Variants in SSX5 observed in about 807,000 individuals in gnomAD.
The protein encoded by SSX5 is protein SSX5.
SSX5 carries 14 observed loss-of-function variants against 14.9 expected under a neutral mutation model. The ratio of observed to expected loss-of-function variants is 0.94; its 90% CI spans 0.62 to 1.47. The LOEUF (loss-of-function observed/expected upper bound fraction) is 1.47, where lower values mean the gene tolerates loss of function less well. SSX5 is among the 40% of genes most tolerant of loss of function. The probability of loss-of-function intolerance (pLI) is 0.00; values close to 1 mark genes in which losing one functional copy is unlikely to be tolerated. For missense variants in SSX5, 204 were observed against 154.6 expected (o/e 1.32, Z -1.70); for synonymous variants, 70 against 55.4 (o/e 1.26, Z -1.17).
At chrX:48,196,440 C>A (rs782038760) in intron 1 of SSX5, among the ~76,000 whole-genome samples, 65 of 103,090 alleles carry the variant, frequency 6.3e-4, no homozygotes, top group Non-Finnish European at 1.0e-3. Flanking sequence ...GGTGCACTGG[C>A]GTGATCATGG....
At chrX:48,187,230 T>G (rs1420224597) in intron 7 of SSX5, among the ~76,000 whole-genome samples, 1 of 110,416 alleles carries the variant, frequency 9.1e-6, no homozygotes, top group Non-Finnish European at 1.9e-5. Context: ...CGGAGGCAGA[T>G]GGATCACGAG....
At chrX:48,191,490 G>C (rs1399599881) in intron 5 of SSX5, among the ~76,000 whole-genome samples, 1 of 111,106 alleles carries the variant, frequency 9.0e-6, no homozygotes, top group African/African-American at 3.3e-5. Context: ...GGATGCCCCA[G>C]GTGCAGACAA....
In SSX5 at chrX:48,186,545, A is replaced by G. The variant is rs1418798161; in HGVS notation, c.*316T>C. Reference sequence around the variant, plus strand: ...AGGAGGGTAGTGTTGTTCTATGCAGAGAATACCTGACGATACTTGTTTTCT... The same window carrying G: ...AGGAGGGTAGTGTTGTTCTATGCAGGGAATACCTGACGATACTTGTTTTCT... On this transcript the variant is annotated 3_prime_UTR_variant, in exon 8 of 8. Coordinates refer to ENST00000347757, the MANE Select transcript of SSX5 (RefSeq NM_175723.2). 9.4e-6 allele frequency: 4 copies of G among 423,985 alleles called. No individual in the cohort carries two copies. The highest frequency in any genetic ancestry group is 1.2e-5 in the Non-Finnish European group (3 of 241,757). 34.9% of individuals were successfully genotyped at this position (423,985 alleles called of 1,213,427 possible).
At position 48,188,712 on chromosome X, in the gene SSX5, G is replaced by C. The variant is rs782258759; in HGVS notation, c.467-981C>G. 3.0e-4 allele frequency among the ~76,000 whole-genome samples: 34 copies of C among 112,293 alleles called. 1 individual carries two copies. The South Asian group carries it at 3.7e-3, about 12-fold the overall frequency. ...CACTTTAAATCAGAAGCTAGAAATG[G>C]CTAAGCTTAGTGAGGAAGCATGCTG... is the stretch of plus-strand genomic sequence containing the variant. On this transcript the variant is annotated intron_variant, in intron 6 of 7. Coordinates refer to ENST00000347757, the MANE Select transcript of SSX5 (RefSeq NM_175723.2).
chrX:48,186,274 G>A lies in SSX5; in HGVS notation c.*587C>T, dbSNP rs1556923701. 1 of 164,013 alleles carries A rather than the reference G, an allele frequency of 6.1e-6. No individual in the cohort carries two copies. Among genetic ancestry groups the A allele is most frequent in the East Asian group, 1.2e-4 (1 of 8,594 alleles). 13.5% of individuals were successfully genotyped at this position (164,013 alleles called of 1,213,427 possible). ...TGACTGATAGAGGGGAATCGGATGAGGGGAGTACATGCTGAACAGGAAACA... is the reference window on the plus strand; with the variant it reads ...TGACTGATAGAGGGGAATCGGATGAAGGGAGTACATGCTGAACAGGAAACA... On this transcript the variant is annotated 3_prime_UTR_variant, in exon 8 of 8. Transcript: ENST00000347757.
rs782087783 is a variant in SSX5, at chrX:48,194,181, G to C, written c.228C>G (p.Val76=). The change falls in exon 4 of 8, where the codon GTC becomes GTG. Residue 76 remains valine, a synonymous_variant. Transcript: ENST00000347757. The part of the protein sequence containing the change: ...TLPPFMRNKR[V]ADFQGNDFDN... ...CAAAATCATTCCCCTGGAAGTCTGC[G>C]ACCCGTTTATTACGCATGAAAGGTG... The C allele has an allele frequency of 8.3e-7, 1 of 1,210,510 alleles. No individual in the cohort carries two copies. The highest frequency in any genetic ancestry group is 2.2e-5 in the Admixed American group (1 of 45,844).
rs782187065 is a variant in SSX5, at chrX:48,190,130, T to C, written c.466+3A>G. The C allele has an allele frequency of 1.1e-5, 13 of 1,208,543 alleles. No homozygotes were observed. The East Asian group carries it at 3.9e-4, about 36-fold the overall frequency. On this transcript the variant is annotated splice_donor_region_variant and intron_variant, in intron 6 of 7. Coordinates refer to ENST00000347757, the MANE Select transcript of SSX5 (RefSeq NM_175723.2). ...TGGTTGTTCCCAAATTCTTTTCTCT[T>C]ACCAGATGTCTTGTTAACCTTCTCA...
intron 5 of SSX5, 148 bp downstream of exon 5, chrX:48,192,084 G>T (rs150906380): frequency 0.022 from 20,191 of 934,065 alleles, 237 homozygotes; most frequent in Middle Eastern, 0.045. Flanking sequence ...GTTAGTATTA[G>T]CAAGCCGTCG....
rs782552305 is a variant in SSX5 at position 48,194,214 on chromosome X, G to A, written c.195C>T (p.Ala65=). ...YEAMTKLGFK[A]TLPPFMRNKR... ...TATTACGCATGAAAGGTGGGAGGGT[G>A]GCCTTGAAACCTAGAAAGAAGCAAA... Residue 65 remains alanine, a synonymous_variant, in exon 4 of 8, where the codon GCC becomes GCT. Coordinates refer to ENST00000347757, the MANE Select transcript of SSX5 (RefSeq NM_175723.2). The A allele has an allele frequency of 1.7e-6, 2 of 1,210,353 alleles. No homozygotes were observed. Among genetic ancestry groups the A allele is most frequent in the Admixed American group, 2.2e-5 (1 of 45,886 alleles).
chrX:48,190,442 A>G (rs781823211), intron 5 of SSX5, among the ~76,000 whole-genome samples, 174 bp from the exon 6 acceptor site: 1 of 111,880 alleles, frequency 8.9e-6, no homozygotes, highest in Non-Finnish European at 1.9e-5. Context: ...TGGGAAAGGA[A>G]TGGCCTAACT....
intron 7 of SSX5, 56 bp downstream of exon 7, chrX:48,187,571 C>T: frequency 8.7e-7 from 1 of 1,149,140 alleles, no homozygotes; most frequent in Non-Finnish European, 1.2e-6. Flanking sequence ...ATACCAGTAC[C>T]ATAACAGAAT....
chrX:48,192,602 A>T (rs1556925007), intron 4 of SSX5, among the ~76,000 whole-genome samples: 6 of 112,548 alleles, frequency 5.3e-5, no homozygotes, highest in Non-Finnish European at 3.7e-5. Context: ...TCCACTCAAG[A>T]TGTACAACAA....
At chrX:48,191,545 G>C (rs782337830) in intron 5 of SSX5, among the ~76,000 whole-genome samples, 1 of 111,468 alleles carries the variant, frequency 9.0e-6, no homozygotes, top group Non-Finnish European at 1.9e-5. Flanking sequence ...CAGTCAAAGC[G>C]ATTCCTAAGC....
intron 2 of SSX5, 39 bp downstream of exon 2, chrX:48,195,251 C>T (rs1194870402): frequency 3.3e-6 from 4 of 1,204,537 alleles, no homozygotes; most frequent in Non-Finnish European, 4.5e-6. Flanking sequence ...CCCACACTGT[C>T]CCCTGGGCCA....
rs1297365517 is a variant in SSX5, at chrX:48,194,142, G to A, written c.267C>T (p.Asn89=). The change falls in exon 4 of 8, where the codon AAC becomes AAT. Residue 89 remains asparagine, a synonymous_variant. Transcript: ENST00000347757. ...CCATCTACTCACCCTGATTCCCACGGTTAGGGTCATTATCAAAATCATTCC... is the reference window on the plus strand; with the variant it reads ...CCATCTACTCACCCTGATTCCCACGATTAGGGTCATTATCAAAATCATTCC... ...FQGNDFDNDP[N]RGNQVEHPQM... 8.3e-7 allele frequency: 1 copy of A among 1,207,422 alleles called. No homozygotes were observed. The highest frequency in any genetic ancestry group is 2.2e-5 in the Admixed American group (1 of 45,369).
intron 7 of SSX5, among the ~76,000 whole-genome samples, chrX:48,187,274 C>T (rs1469132814): frequency 1.2e-4 from 13 of 110,492 alleles, no homozygotes; most frequent in African/African-American, 3.6e-4. Context: ...GCTGACATGG[C>T]GAAACCCTGT....
intron 5 of SSX5, 150 bp from the exon 6 acceptor site, chrX:48,190,418 G>T (rs1165705693): frequency 1.4e-6 from 1 of 739,103 alleles, no homozygotes; most frequent in Non-Finnish European, 1.9e-6. Context: ...AGAAACCTGG[G>T]AGGGGAGGTT....
chrX:48,191,194 C>T (rs182363626), intron 5 of SSX5, among the ~76,000 whole-genome samples: 4 of 111,336 alleles, frequency 3.6e-5, no homozygotes, highest in African/African-American at 3.3e-5. Flanking sequence ...TGAGCCACCA[C>T]GCCCAGTCCT....
At chrX:48,187,174 A>G (rs1266518208) in intron 7 of SSX5, among the ~76,000 whole-genome samples, 1 of 111,943 alleles carries the variant, frequency 8.9e-6, no homozygotes, top group Non-Finnish European at 1.9e-5. Flanking sequence ...GAGCATGGTT[A>G]GGCAGGCGCA....
Sources: gnomAD v4.1 joint callset for allele counts (sites outside exome capture counted in the v4.1 genomes callset) on GRCh38, gnomAD v4.1.1 for gene constraint, MANE v1.5 for transcripts, NCBI Gene and HGNC (gene_info 2026-07-23, HGNC 2026-07-21) for gene names.